Variants in MCU observed in about 807,000 individuals in gnomAD.
The protein encoded by MCU is calcium uniporter protein, mitochondrial.
In MCU, 12 loss-of-function variants were observed where a neutral mutation model predicts 45.2. The ratio of observed to expected loss-of-function variants is 0.27; its 90% CI spans 0.17 to 0.43. The LOEUF (loss-of-function observed/expected upper bound fraction) is 0.43. MCU is among the 20% of genes least tolerant of loss of function. MCU has a pLI of 1.00. For synonymous variants in MCU, 160 were observed against 165.1 expected (o/e 0.97, Z 0.24); for missense variants, 324 against 436.7 (o/e 0.74, Z 2.30).
intron 1 of MCU, among the ~76,000 whole-genome samples, chr10:72,833,374 A>G (rs746021431): frequency 3.3e-5 from 5 of 152,254 alleles, no homozygotes; most frequent in Non-Finnish European, 4.4e-5. Context: ...AATTGTTTAT[A>G]AATGTCAGTC....
At chr10:72,692,796 C>T (rs1842639966) in intron 1 of MCU, 1 of 1,411,280 alleles carries the variant, frequency 7.1e-7, no homozygotes, top group African/African-American at 1.4e-5. Context: ...AGCCCAGGAC[C>T]CCGGCGGGGC....
At chr10:72,802,178 A>G (rs955163542) in intron 1 of MCU, among the ~76,000 whole-genome samples, 2 of 152,148 alleles carry the variant, frequency 1.3e-5, no homozygotes, top group Non-Finnish European at 2.9e-5. Context: ...CAGGAGGCAC[A>G]TGGTTCTGGA....
chr10:72,713,063 A>G (rs780215215), intron 1 of MCU, among the ~76,000 whole-genome samples: 64 of 152,238 alleles, frequency 4.2e-4, no homozygotes, highest in Non-Finnish European at 8.8e-4. Flanking sequence ...CAGATATGCT[A>G]TTAACAGTGA....
chr10:72,874,694 C>T lies in MCU; in HGVS notation c.861+3114C>T, dbSNP rs150496124. On this transcript the variant is annotated intron_variant, in intron 6 of 7. Coordinates refer to ENST00000373053, the MANE Select transcript of MCU (RefSeq NM_138357.3). ...TCTGGCTCATACTAGTCACTGTGAA[C>T]GAACTGAACAGTCACATCATTCTTA... Among the ~76,000 whole-genome samples the T allele has an allele frequency of 1.5e-4, 23 of 152,338 alleles. 1 individual carries two copies. In the East Asian group the frequency reaches 2.5e-3, roughly 17 times the overall value.
intron 1 of MCU, among the ~76,000 whole-genome samples, chr10:72,809,105 T>TATTA (rs1277264367): frequency 1.3e-5 from 2 of 152,216 alleles, no homozygotes; most frequent in African/African-American, 4.8e-5. Context: ...CTGATGGATA[T>TATTA]ATTAGAAGGA....
At chr10:72,735,374 G>A (rs553469219) in intron 1 of MCU, among the ~76,000 whole-genome samples, 1 of 152,200 alleles carries the variant, frequency 6.6e-6, no homozygotes, top group South Asian at 2.1e-4. Context: ...GATCTAAAAA[G>A]TTAGTGTTAT....
chr10:72,885,080 T>G (rs1205442340), intron 7 of MCU, among the ~76,000 whole-genome samples: 3 of 152,166 alleles, frequency 2.0e-5, no homozygotes, highest in Non-Finnish European at 4.4e-5. Context: ...ATGATAGGGT[T>G]GTGCTTTGAA....
At chr10:72,808,555 G>GA (rs1844489839) in intron 1 of MCU, among the ~76,000 whole-genome samples, 1 of 152,204 alleles carries the variant, frequency 6.6e-6, no homozygotes, top group South Asian at 2.1e-4. Flanking sequence ...TCAGTACCTT[G>GA]AGGGAGAGTT....
chr10:72,763,011 G>A (rs1006554598), intron 1 of MCU, among the ~76,000 whole-genome samples: 5 of 151,872 alleles, frequency 3.3e-5, no homozygotes, highest in Non-Finnish European at 7.4e-5. Flanking sequence ...ACATTTCCTT[G>A]GTTCATGATT....
intron 1 of MCU, among the ~76,000 whole-genome samples, chr10:72,720,771 A>G (rs1843010713): frequency 6.6e-6 from 1 of 152,232 alleles, no homozygotes; most frequent in Non-Finnish European, 1.5e-5. Flanking sequence ...GTGTCTTATA[A>G]TAGATGTTCA....
intron 1 of MCU, among the ~76,000 whole-genome samples, chr10:72,796,535 A>T (rs1029936102): frequency 3.3e-5 from 5 of 152,178 alleles, no homozygotes; most frequent in African/African-American, 9.7e-5. Flanking sequence ...TTAATTTTTT[A>T]TTTTTAAAGA....
At chr10:72,712,288 A>C (rs1842904764) in intron 1 of MCU, 1 of 152,196 alleles carries the variant, frequency 6.6e-6, no homozygotes, top group Admixed American at 6.5e-5. Context: ...CGTTTATCAT[A>C]TTCCTGGGAA....
chr10:72,729,952 CTTTT>C (rs58668483), intron 1 of MCU, among the ~76,000 whole-genome samples: 65 of 90,518 alleles, frequency 7.2e-4, no homozygotes, highest in Admixed American at 1.2e-3. Context: ...CTTCAGCATT[CTTTT>C]TTTTTTTTTT....
chr10:72,825,725 C>T (rs760530977), intron 1 of MCU, among the ~76,000 whole-genome samples: 1 of 152,124 alleles, frequency 6.6e-6, no homozygotes, highest in Non-Finnish European at 1.5e-5. Flanking sequence ...TACTCTATCA[C>T]GTATGGTTGA....
intron 2 of MCU, among the ~76,000 whole-genome samples, chr10:72,854,992 A>G (rs950204395): frequency 1.3e-5 from 2 of 152,250 alleles, no homozygotes; most frequent in African/African-American, 4.8e-5. Context: ...CTGTAATCCC[A>G]GCACTTTGGG....
At chr10:72,772,321 G>A (rs1359225572) in intron 1 of MCU, among the ~76,000 whole-genome samples, 1 of 152,192 alleles carries the variant, frequency 6.6e-6, no homozygotes, top group African/African-American at 2.4e-5. Context: ...TTCAGATTAG[G>A]CAGTGGTTTG....
chr10:72,749,956 T>C (rs1843470852), intron 1 of MCU, among the ~76,000 whole-genome samples: 1 of 151,820 alleles, frequency 6.6e-6, no homozygotes, highest in African/African-American at 2.4e-5. Flanking sequence ...TTTTTTTTTT[T>C]TTCAGTAGAG....
chr10:72,880,944 A>G (rs909024561), intron 6 of MCU, among the ~76,000 whole-genome samples: 2 of 152,174 alleles, frequency 1.3e-5, no homozygotes, highest in East Asian at 1.9e-4. Flanking sequence ...CCTGGACAAC[A>G]TAGTGAGACC....
intron 1 of MCU, among the ~76,000 whole-genome samples, chr10:72,718,519 A>G (rs181246449): frequency 7.9e-5 from 12 of 152,364 alleles, no homozygotes; most frequent in African/African-American, 2.4e-4. Context: ...TGATGAATCT[A>G]TTAATCATTC....
Sources: gnomAD v4.1 joint callset for allele counts (sites outside exome capture counted in the v4.1 genomes callset) on GRCh38, gnomAD v4.1.1 for gene constraint, MANE v1.5 for transcripts, NCBI Gene and HGNC (gene_info 2026-07-23, HGNC 2026-07-21) for gene names.